MAGI2: variants seen among roughly 807,000 people sequenced by gnomAD.
The protein encoded by MAGI2 is membrane-associated guanylate kinase, WW and PDZ domain-containing protein 2.
MAGI2 carries 35 observed loss-of-function variants against 133.3 expected under a neutral mutation model. The observed-to-expected ratio is 0.26, with a 90% CI of 0.20 to 0.35. The LOEUF (loss-of-function observed/expected upper bound fraction) is 0.35, where lower values mean the gene tolerates loss of function less well. Ranked by LOEUF, MAGI2 falls within the 10% of genes least tolerant of loss-of-function variation. The pLI is 1.00. For synonymous variants in MAGI2, 729 were observed against 710.6 expected, an observed-to-expected ratio of 1.03 and a Z score of -0.41; for missense variants, 1,636 against 1,863.4, an observed-to-expected ratio of 0.88 and a Z score of 2.25.
At chr7:78,454,931 G>T (rs1249479289) in intron 6 of MAGI2, among the ~76,000 whole-genome samples, 1 of 152,146 alleles carries the variant, frequency 6.6e-6, no homozygotes, top group Non-Finnish European at 1.5e-5. Context: ...AACGGGTGGA[G>T]CACAGGGGGT....
chr7:78,108,465 C>T (rs1271344983), intron 20 of MAGI2, among the ~76,000 whole-genome samples: 1 of 152,200 alleles, frequency 6.6e-6, no homozygotes, highest in Non-Finnish European at 1.5e-5. Context: ...CAGATGAAGT[C>T]TTCTGTAAAT....
Position 79,264,544 on chromosome 7 carries a change from A to G in MAGI2, c.301+188476T>C, listed in dbSNP as rs538218178. ...GCTTACTACACATGTAAATTTTACA[A>G]CCCCTATATTAATCTCCCAACATCT... On this transcript the variant is annotated intron_variant, in intron 1 of 21. Coordinates refer to ENST00000354212, the MANE Select transcript of MAGI2 (RefSeq NM_012301.4). Among the ~76,000 whole-genome samples the G allele has an allele frequency of 3.9e-5, 6 of 152,222 alleles. No homozygotes were observed. The South Asian group carries it at 6.2e-4, about 16-fold the overall frequency.
At chr7:78,618,903 T>A (rs1250596444) in intron 3 of MAGI2, 3 of 147,866 alleles carry the variant, frequency 2.0e-5, no homozygotes, top group African/African-American at 7.5e-5. Flanking sequence ...GAAATGTTGG[T>A]CAAAGGGTAC....
At chr7:78,495,914 C>T (rs148103987) in intron 5 of MAGI2, among the ~76,000 whole-genome samples, 1 of 152,204 alleles carries the variant, frequency 6.6e-6, no homozygotes, top group Non-Finnish European at 1.5e-5. Context: ...TTCAATGTAT[C>T]TCCTGTCTTT....
At chr7:79,317,318 C>G (rs966758754) in intron 1 of MAGI2, among the ~76,000 whole-genome samples, 8 of 152,050 alleles carry the variant, frequency 5.3e-5, no homozygotes, top group African/African-American at 1.9e-4. Context: ...GCCTGCACGC[C>G]CAGCCAAACT....
chr7:78,226,320 T>TAAAA (rs5885045), intron 10 of MAGI2, among the ~76,000 whole-genome samples: 1 of 141,844 alleles, frequency 7.1e-6, no homozygotes, highest in Non-Finnish European at 1.5e-5. Context: ...TACAAATGTT[T>TAAAA]AAAAAAAAAA....
intron 10 of MAGI2, among the ~76,000 whole-genome samples, chr7:78,241,702 G>A (rs1172262427): frequency 6.6e-6 from 1 of 152,140 alleles, no homozygotes; most frequent in African/African-American, 2.4e-5. Context: ...GGAGGGTGAG[G>A]TGGGTGAATC....
At chr7:78,651,679 A>C (rs1357778673) in intron 2 of MAGI2, among the ~76,000 whole-genome samples, 1 of 152,172 alleles carries the variant, frequency 6.6e-6, no homozygotes, top group Non-Finnish European at 1.5e-5. Context: ...ACTTAATTAG[A>C]ATAAAATGAT....
intron 1 of MAGI2, among the ~76,000 whole-genome samples, chr7:79,050,280 A>G (rs1812555575): frequency 1.3e-5 from 2 of 152,160 alleles, no homozygotes. Context: ...AAAGACAAAC[A>G]GGTTTACTGG....
At chr7:79,042,150 G>A (rs1811726228) in intron 1 of MAGI2, among the ~76,000 whole-genome samples, 1 of 152,108 alleles carries the variant, frequency 6.6e-6, no homozygotes, top group Non-Finnish European at 1.5e-5. Context: ...TTAATTATCA[G>A]CTGAAGAGCA....
chr7:78,393,669 G>C (rs1282313514), intron 6 of MAGI2, among the ~76,000 whole-genome samples: 2 of 152,208 alleles, frequency 1.3e-5, no homozygotes, highest in Non-Finnish European at 2.9e-5. Context: ...AGTAGGTAGA[G>C]AGAGAAAAGG....
chr7:78,350,476 C>A (rs1791390491), intron 7 of MAGI2: 1 of 152,144 alleles, frequency 6.6e-6, no homozygotes, highest in Non-Finnish European at 1.5e-5. Context: ...GGCTGTGATC[C>A]CCTGAGTTAG....
chr7:78,670,416 A>T (rs905961553), intron 2 of MAGI2, among the ~76,000 whole-genome samples: 1 of 152,214 alleles, frequency 6.6e-6, no homozygotes, highest in Non-Finnish European at 1.5e-5. Context: ...GCAATGAAAT[A>T]AAAGACGATA....
intron 21 of MAGI2, among the ~76,000 whole-genome samples, chr7:78,049,378 T>C (rs1811775667): frequency 6.6e-6 from 1 of 152,212 alleles, no homozygotes; most frequent in South Asian, 2.1e-4. Flanking sequence ...TCAGAGCAGT[T>C]AGGGCTAAGG....
At chr7:78,199,245 G>A (rs189517595) in intron 11 of MAGI2, among the ~76,000 whole-genome samples, 62 of 152,332 alleles carry the variant, frequency 4.1e-4, no homozygotes, top group African/African-American at 1.4e-3. Flanking sequence ...CAGAGGACAG[G>A]TGTATAAACC....
chr7:79,040,262 T>C (rs1412887995), intron 1 of MAGI2, among the ~76,000 whole-genome samples: 4 of 152,064 alleles, frequency 2.6e-5, no homozygotes, highest in Non-Finnish European at 4.4e-5. Context: ...TGCTTCCCCT[T>C]TGCCTTCTGC....
intron 21 of MAGI2, among the ~76,000 whole-genome samples, chr7:78,054,657 A>AT (rs11300162): frequency 1.7e-4 from 24 of 144,044 alleles, no homozygotes; most frequent in Middle Eastern, 3.6e-3. Flanking sequence ...ATTTCACTTA[A>AT]TTTTTTTTTT....
intron 2 of MAGI2, among the ~76,000 whole-genome samples, chr7:78,716,984 G>C (rs1395751624): frequency 6.6e-6 from 1 of 152,090 alleles, no homozygotes; most frequent in Non-Finnish European, 1.5e-5. Context: ...AGACTGAACC[G>C]TGAAGAAACA....
chr7:78,723,386 C>A (rs10953675), intron 2 of MAGI2, among the ~76,000 whole-genome samples: 55,509 of 151,948 alleles, frequency 0.37, 10,381 homozygotes, highest in Middle Eastern at 0.42. Context: ...TGGGCAGAGG[C>A]CTAGGAATTT....
Sources: allele counts gnomAD v4.1 joint callset (sites outside exome capture counted in the v4.1 genomes callset), GRCh38; gene constraint gnomAD v4.1.1; transcripts MANE v1.5; gene names NCBI Gene and HGNC (gene_info 2026-07-23, HGNC 2026-07-21).